Variants in RBM41 observed in about 807,000 individuals in gnomAD.
The protein encoded by RBM41 is RNA-binding protein 41.
RBM41 carries 14 observed loss-of-function variants against 30.8 expected under a neutral mutation model. That is an observed-to-expected ratio of 0.45 (90% confidence interval 0.30 to 0.71). The LOEUF (loss-of-function observed/expected upper bound fraction) is 0.71. RBM41 is among the 30% of genes least tolerant of loss of function. RBM41 has a pLI of 0.08. For synonymous variants in RBM41, 120 were observed against 110.1 expected (o/e 1.09, Z -0.56); for missense variants, 276 against 326.3 (o/e 0.85, Z 1.19).
At chrX:107,092,392 G>C (rs1326626506) in intron 5 of RBM41, among the ~76,000 whole-genome samples, 3 of 110,495 alleles carry the variant, frequency 2.7e-5, no homozygotes, top group Non-Finnish European at 3.8e-5. Flanking sequence ...CAACCATTAG[G>C]AAAATGGGCA....
chrX:107,055,619 T>C, the RBM41 span, among the ~76,000 whole-genome samples: 1 of 112,756 alleles, frequency 8.9e-6, no homozygotes, highest in Non-Finnish European at 1.9e-5. Context: ...CCACTGCGCC[T>C]GGCCAAGTTT....
chrX:107,063,102 T>G lies in RBM41; in HGVS notation c.*4425A>C, dbSNP rs1339436662. ...TTTAACGTGTACAATTCCTGGTTTT[T>G]AGTATATTCAGAGTTGTGAAATCAC... On this transcript the variant is annotated 3_prime_UTR_variant, in exon 8 of 8. Coordinates refer to ENST00000685964, the MANE Select transcript of RBM41 (RefSeq NM_001324242.2). Among the ~76,000 whole-genome samples, 1 of 111,582 alleles carries G rather than the reference T, an allele frequency of 9.0e-6. No individual in the cohort carries two copies. The highest frequency in any genetic ancestry group is 2.8e-4 in the East Asian group (1 of 3,567).
At chrX:107,104,812 G>A (rs1923799600) in intron 5 of RBM41, among the ~76,000 whole-genome samples, 1 of 111,049 alleles carries the variant, frequency 9.0e-6, no homozygotes, top group Non-Finnish European at 1.9e-5. Context: ...ATTTTATTGA[G>A]GATTTTTGCA....
intron 6 of RBM41, among the ~76,000 whole-genome samples, chrX:107,070,902 GCAC>G (rs1475055370): frequency 9.2e-6 from 1 of 108,714 alleles, no homozygotes; most frequent in Non-Finnish European, 1.9e-5. Context: ...CAAACAGCAT[GCAC>G]CACCACAACT....
chrX:107,062,837 T>C lies in RBM41; in HGVS notation c.*4690A>G, dbSNP rs1935687741. 8.9e-6 allele frequency among the ~76,000 whole-genome samples: 1 copy of C among 112,011 alleles called. No individual in the cohort carries two copies. Among genetic ancestry groups the C allele is most frequent in the South Asian group, 3.7e-4 (1 of 2,685 alleles). On this transcript the variant is annotated 3_prime_UTR_variant, in exon 8 of 8. Coordinates refer to ENST00000685964, the MANE Select transcript of RBM41 (RefSeq NM_001324242.2). Reference sequence around the variant, plus strand: ...CATACTATACATAAATGAATGCTTTTGCATAAAAATGTATTCATACTATAC... The same window carrying C: ...CATACTATACATAAATGAATGCTTTCGCATAAAAATGTATTCATACTATAC...
At chrX:107,115,257 C>G in intron 4 of RBM41, 95 bp downstream of exon 4, 1 of 930,281 alleles carries the variant, frequency 1.1e-6, no homozygotes, top group Non-Finnish European at 1.5e-6. Flanking sequence ...TTTGTCTTTC[C>G]CCTATTCCCT....
Position 107,065,926 on chromosome X carries a change from ATG to A in RBM41, c.*1599_*1600del, listed in dbSNP as rs1236664054. Among the ~76,000 whole-genome samples the A allele has an allele frequency of 8.9e-6, 1 of 112,245 alleles. No individual in the cohort carries two copies. Among genetic ancestry groups the A allele is most frequent in the East Asian group, 2.8e-4 (1 of 3,611 alleles). On this transcript the variant is annotated 3_prime_UTR_variant, in exon 8 of 8. Coordinates refer to ENST00000685964, the MANE Select transcript of RBM41 (RefSeq NM_001324242.2). The stretch of plus-strand genomic sequence containing the variant: ...ATTTTTGCCTGTGCTCTTTTTCTGC[ATG>A]TGTGTAGATTCAGATTACTGTCTGT...
chrX:107,071,946 A>C (rs1329812704), intron 6 of RBM41, among the ~76,000 whole-genome samples: 2 of 111,885 alleles, frequency 1.8e-5, no homozygotes, highest in Admixed American at 9.5e-5. Context: ...GAAAGAAAGA[A>C]GTAAAATTAT....
intron 5 of RBM41, among the ~76,000 whole-genome samples, chrX:107,105,633 G>A (rs919886977): frequency 2.7e-5 from 3 of 111,463 alleles, no homozygotes; most frequent in African/African-American, 9.8e-5. Context: ...CAAGGCTACA[G>A]TAACCAAAAC....
chrX:107,114,959 T>C (rs59304930), intron 4 of RBM41: 6,083 of 129,334 alleles, frequency 0.047, 410 homozygotes, highest in African/African-American at 0.18. Flanking sequence ...CACGTTAAAC[T>C]TCTCATTGTT....
rs183645559 is a variant in RBM41 at position 107,108,619 on chromosome X, T to C, written c.595+4778A>G. 7.4e-3 allele frequency among the ~76,000 whole-genome samples: 833 copies of C among 112,375 alleles called. 2 individuals carry two copies. The highest frequency in any genetic ancestry group is 0.017 in the South Asian group (47 of 2,728). ...ATTAAGACAATTCAATGAAAAAGAA[T>C]AGTCTTTTCAACTAAAGGCACCAGG... On this transcript the variant is annotated intron_variant, in intron 5 of 7. Coordinates refer to ENST00000685964, the MANE Select transcript of RBM41 (RefSeq NM_001324242.2).
At chrX:107,091,700 A>G (rs1922552752) in intron 5 of RBM41, among the ~76,000 whole-genome samples, 1 of 112,076 alleles carries the variant, frequency 8.9e-6, no homozygotes, top group Non-Finnish European at 1.9e-5. Flanking sequence ...ATAAGCAAAT[A>G]GGCATATATA....
At position 107,115,902 on chromosome X, in the gene RBM41, G is replaced by A. The variant is rs865859063; in HGVS notation, c.278C>T (p.Thr93Ile). Residue 93 changes from threonine to isoleucine, a missense_variant, in exon 3 of 8, where the codon ACA (threonine) becomes ATA (isoleucine). By Grantham distance (89) the Thr-to-Ile change is moderately conservative (BLOSUM62 -1). Coordinates refer to ENST00000685964, the MANE Select transcript of RBM41 (RefSeq NM_001324242.2). ...ASLRELGLNE[T>I]EILIWKSHVS... ...ATGGCTCTTCCAGATCAAGATTTCT[G>A]TTTCATTAAGCCCTAATTCCCTGAG... 8.3e-7 allele frequency: 1 copy of A among 1,202,261 alleles called. No homozygotes were observed. Among genetic ancestry groups the A allele is most frequent in the African/African-American group, 1.7e-5 (1 of 57,468 alleles).
At chrX:107,087,844 C>T (rs955883866) in intron 6 of RBM41, among the ~76,000 whole-genome samples, 3 of 112,249 alleles carry the variant, frequency 2.7e-5, no homozygotes, top group Non-Finnish European at 3.8e-5. Flanking sequence ...CCTCGTGATC[C>T]GCCTGCCTCA....
intron 5 of RBM41, 106 bp from the exon 6 acceptor site, chrX:107,088,945 G>T: frequency 9.7e-7 from 1 of 1,036,139 alleles, no homozygotes; most frequent in African/African-American, 1.9e-5. Context: ...AAACACTGCT[G>T]GGGCAGGTCT....
rs150318455 is a variant in RBM41 at position 107,113,274 on chromosome X, T to C, written c.595+123A>G. 6,229 of 821,558 alleles carry C rather than the reference T, an allele frequency of 7.6e-3. 23 individuals are homozygous for C. Among genetic ancestry groups the C allele is most frequent in the South Asian group, 8.7e-3 (332 of 38,239 alleles). The allele number at this position is 821,558 out of a possible 1,213,427, so 67.7% of individuals were successfully genotyped here. On this transcript the variant is annotated intron_variant, in intron 5 of 7. Coordinates refer to ENST00000685964, the MANE Select transcript of RBM41 (RefSeq NM_001324242.2). ...TTTAATATTCTGTATCAGGATAATA[T>C]GCTCCCTCTGGATCATTTCCTATAA...
chrX:107,115,492 AT>A lies in RBM41; in HGVS notation c.382del (p.Ile128SerfsTer20), dbSNP rs1171655917. 8.3e-7 allele frequency: 1 copy of A among 1,210,034 alleles called. No individual in the cohort carries two copies. Among genetic ancestry groups the A allele is most frequent in the Non-Finnish European group, 1.1e-6 (1 of 895,216 alleles). ...GCAAAGAATGCGCTGACGCTCCGAG[AT>A]CCTTTCTTCAATATCTTGAAGACGG... Reference protein sequence around the residue: ...QNRLQDIEERISERQRILCLP... With the variant: ...QNRLQDIEERXSERQRILCLP... On this transcript the variant is annotated frameshift_variant, in exon 4 of 8. Coordinates refer to ENST00000685964, the MANE Select transcript of RBM41 (RefSeq NM_001324242.2). LOFTEE classifies it high-confidence loss of function.
rs781246330 is a variant in RBM41 at position 107,116,316 on chromosome X, C to T, written c.126-262G>A. ...CTGCTAGGTACTAAGGATTTAATAG[C>T]TTTATAAAAAAGATAAAAATGGCTC... On this transcript the variant is annotated intron_variant, in intron 2 of 7. Coordinates refer to ENST00000685964, the MANE Select transcript of RBM41 (RefSeq NM_001324242.2). The T allele has an allele frequency of 2.0e-3, 1,717 of 870,181 alleles. 3 individuals carry two copies. Among genetic ancestry groups the T allele is most frequent in the Non-Finnish European group, 2.4e-3 (1,654 of 690,336 alleles). The allele number at this position is 870,181 out of a possible 1,213,427, so 71.7% of individuals were successfully genotyped here. A position where few individuals can be genotyped will look rare whatever the true frequency, so the allele number is the denominator to read the frequency against.
intron 1 of RBM41, among the ~76,000 whole-genome samples, chrX:107,117,902 T>C (rs1925011553): frequency 9.0e-6 from 1 of 111,508 alleles, no homozygotes; most frequent in Non-Finnish European, 1.9e-5. Flanking sequence ...TTAAGCTGTA[T>C]ATATACATTA....
Sources: gnomAD v4.1 joint callset for allele counts (sites outside exome capture counted in the v4.1 genomes callset) on GRCh38, gnomAD v4.1.1 for gene constraint, MANE v1.5 for transcripts, NCBI Gene and HGNC (gene_info 2026-07-23, HGNC 2026-07-21) for gene names.